FAM227B: variants seen among roughly 807,000 people sequenced by gnomAD.
FAM227B encodes family with sequence similarity 227 member B.
In FAM227B, 88 loss-of-function variants were observed where a neutral mutation model predicts 73.8. The ratio of observed to expected loss-of-function variants is 1.19; its 90% CI spans 1.00 to 1.42. The LOEUF (loss-of-function observed/expected upper bound fraction) is 1.42, where lower values mean the gene tolerates loss of function less well. Among genes scored for constraint, FAM227B ranks in the 40% most tolerant of loss-of-function variants. The pLI, the probability that FAM227B is intolerant of heterozygous loss-of-function variation, is 0.00. For synonymous variants in FAM227B, 210 were observed against 190.5 expected (o/e 1.10, Z -0.84); for missense variants, 632 against 590.9 (o/e 1.07, Z -0.72).
At chr15:49,531,745 G>A (rs1057278637) in intron 10 of FAM227B, among the ~76,000 whole-genome samples, 1 of 151,956 alleles carries the variant, frequency 6.6e-6, no homozygotes, top group African/African-American at 2.4e-5. Flanking sequence ...ACGCCTGAGA[G>A]AACGTGCAAC....
intron 13 of FAM227B, among the ~76,000 whole-genome samples, chr15:49,363,271 C>T (rs1442225262): frequency 6.6e-6 from 1 of 152,074 alleles, no homozygotes; most frequent in Non-Finnish European, 1.5e-5. Flanking sequence ...AATGTTCTTC[C>T]ACTTGTTTGT....
At chr15:49,460,594 C>T (rs1266365348) in intron 11 of FAM227B, among the ~76,000 whole-genome samples, 2 of 152,036 alleles carry the variant, frequency 1.3e-5, no homozygotes, top group African/African-American at 4.8e-5. Context: ...CTGGCCAATC[C>T]CAAAAATGTT....
intron 9 of FAM227B, among the ~76,000 whole-genome samples, chr15:49,546,191 G>A (rs1396567071): frequency 1.3e-5 from 2 of 151,916 alleles, no homozygotes; most frequent in Non-Finnish European, 2.9e-5. Context: ...TCCCACCTAT[G>A]AGTGAGAACA....
intron 13 of FAM227B, among the ~76,000 whole-genome samples, chr15:49,350,365 A>G (rs1243637561): frequency 6.6e-6 from 1 of 152,228 alleles, no homozygotes; most frequent in African/African-American, 2.4e-5. Context: ...GACAAACATC[A>G]TAAATACCTG....
chr15:49,406,721 C>G (rs994071649), intron 11 of FAM227B, among the ~76,000 whole-genome samples: 1 of 151,988 alleles, frequency 6.6e-6, no homozygotes, highest in Non-Finnish European at 1.5e-5. Context: ...GACGTGCACA[C>G]ACACACACAC....
intron 11 of FAM227B, among the ~76,000 whole-genome samples, chr15:49,403,723 T>C (rs1253126374): frequency 1.3e-5 from 2 of 152,146 alleles, no homozygotes; most frequent in Non-Finnish European, 2.9e-5. Flanking sequence ...CTAGATTCAC[T>C]GATCTTTTGA....
At chr15:49,594,642 T>G (rs532185274) in intron 3 of FAM227B, among the ~76,000 whole-genome samples, 1 of 152,222 alleles carries the variant, frequency 6.6e-6, no homozygotes, top group African/African-American at 2.4e-5. Flanking sequence ...TTTTAACATG[T>G]GGCTTGCCAA....
At chr15:49,502,957 G>A (rs1446314467) in intron 11 of FAM227B, among the ~76,000 whole-genome samples, 8 of 151,972 alleles carry the variant, frequency 5.3e-5, no homozygotes, top group East Asian at 1.9e-4. Context: ...GTGGCACCCC[G>A]CATTGCCAAG....
At chr15:49,339,713 G>A (rs1596299753) in intron 13 of FAM227B, among the ~76,000 whole-genome samples, 2 of 152,360 alleles carry the variant, frequency 1.3e-5, no homozygotes, top group East Asian at 3.9e-4. Flanking sequence ...GTTTGCTGAA[G>A]CTGTGCCTAC....
intron 13 of FAM227B, among the ~76,000 whole-genome samples, chr15:49,337,680 C>T (rs1352688365): frequency 6.6e-6 from 1 of 151,940 alleles, no homozygotes; most frequent in African/African-American, 2.4e-5. Flanking sequence ...CCCACAGCCC[C>T]ACCCCCTCAA....
chr15:49,362,723 T>C (rs1227009241), intron 13 of FAM227B, among the ~76,000 whole-genome samples: 1 of 151,890 alleles, frequency 6.6e-6, no homozygotes, highest in African/African-American at 2.4e-5. Flanking sequence ...TGGTATGTCC[T>C]AGGTTATCTT....
chr15:49,483,479 G>T (rs1387106523), intron 11 of FAM227B, among the ~76,000 whole-genome samples: 1 of 151,994 alleles, frequency 6.6e-6, no homozygotes, highest in Non-Finnish European at 1.5e-5. Flanking sequence ...AAAATGAGTT[G>T]AATTAACTGA....
intron 9 of FAM227B, among the ~76,000 whole-genome samples, chr15:49,559,754 G>A (rs1312696867): frequency 6.6e-6 from 1 of 152,062 alleles, no homozygotes; most frequent in Non-Finnish European, 1.5e-5. Context: ...GACCAACATG[G>A]TGAAACCCCG....
chr15:49,561,980 A>G (rs1466022833), intron 9 of FAM227B, among the ~76,000 whole-genome samples: 1 of 152,078 alleles, frequency 6.6e-6, no homozygotes, highest in Non-Finnish European at 1.5e-5. Context: ...CTAGTAGAAG[A>G]CAAGAAGTAA....
At chr15:49,399,026 C>A in intron 11 of FAM227B, among the ~76,000 whole-genome samples, 1 of 111,916 alleles carries the variant, frequency 8.9e-6, no homozygotes, top group African/African-American at 3.3e-5. Flanking sequence ...AATAGAGACA[C>A]AAAAAACCCT....
chr15:49,504,019 G>A (rs28472611), intron 11 of FAM227B, among the ~76,000 whole-genome samples: 49,001 of 151,370 alleles, frequency 0.32, 8,643 homozygotes, highest in African/African-American at 0.45. Flanking sequence ...AAGACTTGGA[G>A]CCAAGCCAAA....
chr15:49,396,264 C>A, intron 11 of FAM227B: 1 of 402,036 alleles, frequency 2.5e-6, no homozygotes. Flanking sequence ...GTGTCACTCC[C>A]ACCTGAATAC....
At chr15:49,604,383 C>A (rs1018862635) in intron 3 of FAM227B, among the ~76,000 whole-genome samples, 1 of 152,004 alleles carries the variant, frequency 6.6e-6, no homozygotes, top group Admixed American at 6.6e-5. Flanking sequence ...TCATCCCACT[C>A]TCTCCTGGAT....
chr15:49,378,994 T>C (rs2046347873), intron 11 of FAM227B, among the ~76,000 whole-genome samples: 1 of 152,170 alleles, frequency 6.6e-6, no homozygotes, highest in Non-Finnish European at 1.5e-5. Flanking sequence ...TTTGAGGGTT[T>C]TTATCTTGAA....
Sources: allele counts gnomAD v4.1 joint callset (sites outside exome capture counted in the v4.1 genomes callset), GRCh38; gene constraint gnomAD v4.1.1; transcripts MANE v1.5; gene names NCBI Gene and HGNC (gene_info 2026-07-23, HGNC 2026-07-21).